The following RAD9B variants were observed in gnomAD, a reference collection of about 807,000 sequenced individuals.
The protein encoded by RAD9B is RAD9 checkpoint clamp component B, also known as cell cycle checkpoint control protein RAD9B.
RAD9B carries 41 observed loss-of-function variants against 48.3 expected under a neutral mutation model. That is an observed-to-expected ratio of 0.85 (90% CI 0.66 to 1.10). The LOEUF is 1.10. Ranked by LOEUF, RAD9B falls within the 50% of genes least tolerant of loss-of-function variation. RAD9B has a pLI of 0.00. For missense variants in RAD9B, 444 were observed against 485.1 expected (o/e 0.92, Z 0.80); for synonymous variants, 160 against 157.9 (o/e 1.01, Z -0.10).
At position 110,522,293 on chromosome 12, in the gene RAD9B, C is replaced by G; in HGVS notation, c.1007C>G (p.Ser336Cys). ...CCTAAGGAGACTCTCACAAACATATCTGCATTGGAAAACTGTGGCAGCCCT... is the reference window on the plus strand; with the variant it reads ...CCTAAGGAGACTCTCACAAACATATGTGCATTGGAAAACTGTGGCAGCCCT... ...LYPKETLTNISALENCGSPAM... is the reference protein window; with the variant it reads ...LYPKETLTNICALENCGSPAM... Residue 336 changes from serine (S) to cysteine (C), a missense_variant, in exon 10 of 11, where the codon TCT (serine) becomes TGT (cysteine). Ser to Cys is a moderately radical substitution (Grantham distance 112). Transcript: ENST00000409300. 6.2e-7 allele frequency: 1 copy of G among 1,613,560 alleles called. No individual in the cohort carries two copies. The highest frequency in any genetic ancestry group is 1.1e-5 in the South Asian group (1 of 90,902).
At chr12:110,512,195 G>GAAAA (rs2063482689) in intron 4 of RAD9B, among the ~76,000 whole-genome samples, 1 of 141,342 alleles carries the variant, frequency 7.1e-6, no homozygotes, top group Non-Finnish European at 1.5e-5. Flanking sequence ...CACCCAGGCT[G>GAAAA]GAGTGTACAG....
intron 4 of RAD9B, among the ~76,000 whole-genome samples, chr12:110,507,411 A>T (rs190523703): frequency 0.021 from 3,021 of 141,192 alleles, 115 homozygotes; most frequent in African/African-American, 0.074. Context: ...ATATGTATTA[A>T]ATATAATATA....
intron 10 of RAD9B, among the ~76,000 whole-genome samples, chr12:110,529,531 G>T (rs2064059696): frequency 6.6e-6 from 1 of 152,014 alleles, no homozygotes; most frequent in African/African-American, 2.4e-5. Context: ...CAGGAGGATT[G>T]CTTGAAGCCA....
At chr12:110,527,302 C>T (rs1257392531) in intron 10 of RAD9B, among the ~76,000 whole-genome samples, 1 of 152,166 alleles carries the variant, frequency 6.6e-6, no homozygotes, top group Non-Finnish European at 1.5e-5. Context: ...TTACATTGGG[C>T]CCACCTGGCT....
chr12:110,533,459 A>G lies in RAD9B; in HGVS notation c.*2806A>G, dbSNP rs2064185977. 6.6e-6 allele frequency: 1 copy of G among 152,202 alleles called. No individual in the cohort carries two copies. Among genetic ancestry groups the G allele is most frequent in the Admixed American group, 6.5e-5 (1 of 15,272 alleles). The allele number at this position is 152,202 out of a possible 1,614,324, so 9.4% of individuals were successfully genotyped here. On this transcript the variant is annotated 3_prime_UTR_variant, in exon 11 of 11. Transcript: ENST00000409300. The stretch of plus-strand genomic sequence containing the variant: ...TCATTATTTAGCCATCTTTGCCACA[A>G]ACTACCTGCTAACAGTTAAAATTCT...
At chr12:110,523,517 G>T (rs1247660732) in intron 10 of RAD9B, among the ~76,000 whole-genome samples, 1 of 152,142 alleles carries the variant, frequency 6.6e-6, no homozygotes, top group East Asian at 1.9e-4. Flanking sequence ...GATACCATAG[G>T]TGTTTATTGA....
chr12:110,503,139 G>C (rs1452325971), intron 1 of RAD9B: 1 of 152,452 alleles, frequency 6.6e-6, no homozygotes, highest in African/African-American at 2.4e-5. Flanking sequence ...CAAGCTACTT[G>C]GAAGGCTGAG....
chr12:110,507,962 T>C (rs2063346586), intron 4 of RAD9B: 1 of 166,690 alleles, frequency 6.0e-6, no homozygotes, highest in South Asian at 2.1e-4. Context: ...ATTTCTTAAT[T>C]TAATCTTACA....
rs2064105855 is a variant in RAD9B, at chr12:110,530,516, T to TC, written c.1126-6dup. ...GGAATCAACAATGCAGTTCCTTTTT[T>TC]CCCTCCAGTTTTCTTGCATGTTCTT... On this transcript the variant is annotated splice_polypyrimidine_tract_variant and intron_variant, in intron 10 of 10. Transcript: ENST00000409300. The TC allele has an allele frequency of 1.2e-6, 2 of 1,613,440 alleles. No homozygotes were observed. Among genetic ancestry groups the TC allele is most frequent in the South Asian group, 1.1e-5 (1 of 91,058 alleles).
intron 6 of RAD9B, among the ~76,000 whole-genome samples, chr12:110,515,957 A>G (rs568905893): frequency 2.4e-4 from 37 of 152,176 alleles, no homozygotes; most frequent in African/African-American, 8.9e-4. Flanking sequence ...AATTGAAAGC[A>G]CATATAAAGC....
chr12:110,520,616 C>CT (rs1471400056), intron 9 of RAD9B, among the ~76,000 whole-genome samples: 1 of 99,364 alleles, frequency 1.0e-5, no homozygotes, highest in African/African-American at 3.9e-5. Flanking sequence ...ATAGCCATTG[C>CT]TTTCTTGCTT....
At chr12:110,511,241 A>G (rs2063449714) in intron 4 of RAD9B, among the ~76,000 whole-genome samples, 1 of 151,552 alleles carries the variant, frequency 6.6e-6, no homozygotes, top group Non-Finnish European at 1.5e-5. Context: ...GTCTTTATCC[A>G]AAGGAAAAAA....
chr12:110,514,933 T>A (rs2063564002), intron 5 of RAD9B, 117 bp from the exon 6 acceptor site: 2 of 631,330 alleles, frequency 3.2e-6, no homozygotes, highest in Non-Finnish European at 5.3e-6. Context: ...TAAATTTTTC[T>A]AAACCCAGGC....
chr12:110,505,886 T>C (rs2063248874), intron 3 of RAD9B, 114 bp downstream of exon 3: 9 of 770,784 alleles, frequency 1.2e-5, no homozygotes, highest in Admixed American at 3.5e-5. Flanking sequence ...AATCTGTTCA[T>C]TATTATTATT....
At chr12:110,520,506 C>T (rs1239870862) in intron 9 of RAD9B, among the ~76,000 whole-genome samples, 9 of 150,564 alleles carry the variant, frequency 6.0e-5, no homozygotes, top group South Asian at 2.1e-4. Flanking sequence ...GTCACCACAT[C>T]GGGCCTTTAG....
intron 4 of RAD9B, among the ~76,000 whole-genome samples, chr12:110,511,857 T>C (rs2063469621): frequency 1.3e-5 from 2 of 151,464 alleles, no homozygotes; most frequent in Admixed American, 6.6e-5. Context: ...CATTTTTTCT[T>C]TTTTTTTTGA....
intron 6 of RAD9B, 136 bp from the exon 7 acceptor site, chr12:110,518,540 A>C (rs2063678100): frequency 5.5e-6 from 3 of 545,182 alleles, no homozygotes; most frequent in Non-Finnish European, 9.8e-6. Context: ...TAGCATGCAG[A>C]TATCAGGTGG....
intron 10 of RAD9B, among the ~76,000 whole-genome samples, chr12:110,526,667 T>C (rs923136293): frequency 2.0e-5 from 3 of 151,668 alleles, no homozygotes; most frequent in South Asian, 4.2e-4. Flanking sequence ...CCCAGCACTT[T>C]GGGAGACCGA....
At chr12:110,518,551 G>T in intron 6 of RAD9B, 125 bp from the exon 7 acceptor site, 2 of 563,542 alleles carry the variant, frequency 3.5e-6, no homozygotes, top group Non-Finnish European at 6.3e-6. Context: ...TATCAGGTGG[G>T]GAAGTTAGGG....
Sources: gnomAD v4.1 joint callset for allele counts (sites outside exome capture counted in the v4.1 genomes callset) on GRCh38, gnomAD v4.1.1 for gene constraint, MANE v1.5 for transcripts, NCBI Gene and HGNC (gene_info 2026-07-23, HGNC 2026-07-21) for gene names.